ATP8B4: variants seen among roughly 807,000 people sequenced by gnomAD.
ATP8B4 encodes the protein probable phospholipid-transporting ATPase IM.
ATP8B4 carries 133 observed loss-of-function variants against 145.6 expected under a neutral mutation model. The observed-to-expected ratio is 0.91, with a 90% CI of 0.79 to 1.05. The LOEUF (loss-of-function observed/expected upper bound fraction) is 1.05, where lower values mean the gene tolerates loss of function less well. Among genes scored for constraint, ATP8B4 ranks in the 50% least tolerant of loss-of-function variants. The pLI is 0.00. For synonymous variants in ATP8B4, 507 were observed against 492.9 expected (o/e 1.03, Z -0.38); for missense variants, 1,458 against 1,425.2 (o/e 1.02, Z -0.37).
intron 2 of ATP8B4, among the ~76,000 whole-genome samples, chr15:50,079,193 A>G (rs146235749): frequency 2.6e-5 from 4 of 152,196 alleles, no homozygotes; most frequent in African/African-American, 4.8e-5. Context: ...TGTATAACCC[A>G]TAAATAGATA....
intron 6 of ATP8B4, among the ~76,000 whole-genome samples, chr15:50,021,855 T>C (rs2049600992): frequency 6.6e-6 from 1 of 152,194 alleles, no homozygotes; most frequent in African/African-American, 2.4e-5. Flanking sequence ...GGTGAAGGAA[T>C]ATTTGAACAG....
chr15:49,959,113 T>A (rs1474027646), intron 14 of ATP8B4, among the ~76,000 whole-genome samples: 1 of 151,874 alleles, frequency 6.6e-6, no homozygotes, highest in East Asian at 1.9e-4. Context: ...TAAAAAACAG[T>A]TTAACATGAC....
At chr15:50,052,281 A>C (rs1323253689) in intron 3 of ATP8B4, among the ~76,000 whole-genome samples, 5 of 152,252 alleles carry the variant, frequency 3.3e-5, no homozygotes, top group Non-Finnish European at 5.9e-5. Context: ...AATGACTACA[A>C]ACATCCCAAT....
intron 2 of ATP8B4, among the ~76,000 whole-genome samples, chr15:50,106,611 G>A (rs1451035037): frequency 1.2e-4 from 19 of 152,124 alleles, no homozygotes; most frequent in Admixed American, 1.2e-3. Context: ...GCAGCAATAC[G>A]AAAGAACACA....
chr15:50,034,633 A>G (rs1428966466), intron 6 of ATP8B4, among the ~76,000 whole-genome samples: 2 of 152,190 alleles, frequency 1.3e-5, no homozygotes, highest in East Asian at 3.8e-4. Context: ...TGTACATTAG[A>G]TTCATCTTGG....
intron 20 of ATP8B4, among the ~76,000 whole-genome samples, chr15:49,903,384 G>A (rs1410432937): frequency 1.3e-5 from 2 of 152,142 alleles, no homozygotes; most frequent in South Asian, 2.1e-4. Context: ...TCCAAGCTGC[G>A]TAATGAAGGG....
At chr15:50,056,744 G>T in intron 3 of ATP8B4, among the ~76,000 whole-genome samples, 1 of 148,328 alleles carries the variant, frequency 6.7e-6, no homozygotes, top group African/African-American at 2.5e-5. Flanking sequence ...CACACCTATA[G>T]CAAAGACAAT....
At chr15:49,882,357 A>G (rs1470268376) in intron 23 of ATP8B4, among the ~76,000 whole-genome samples, 1 of 152,194 alleles carries the variant, frequency 6.6e-6, no homozygotes, top group African/African-American at 2.4e-5. Context: ...CTTCCTTCTG[A>G]TGAGTGAATG....
Position 49,868,147 on chromosome 15 carries a change from C to T in ATP8B4, c.3028-1663G>A, listed in dbSNP as rs761025847. On this transcript the variant is annotated intron_variant, in intron 25 of 27. Transcript: ENST00000284509. ...TTCAGATTGAGAGGGTCCTTTAGGTCCTATCCAAAGTAATGAAAGAAGATT... is the reference window on the plus strand; with the variant it reads ...TTCAGATTGAGAGGGTCCTTTAGGTTCTATCCAAAGTAATGAAAGAAGATT... 1.6e-4 allele frequency among the ~76,000 whole-genome samples: 24 copies of T among 152,092 alleles called. 1 individual carries two copies. Among genetic ancestry groups the T allele is most frequent in the Admixed American group, 6.5e-4 (10 of 15,268 alleles).
chr15:49,970,740 T>C (rs373144226), intron 13 of ATP8B4, among the ~76,000 whole-genome samples: 1 of 152,102 alleles, frequency 6.6e-6, no homozygotes, highest in Admixed American at 6.6e-5. Flanking sequence ...CAAGCTACCA[T>C]TGACTTTCTT....
chr15:49,881,565 G>A (rs1258513858), intron 23 of ATP8B4, among the ~76,000 whole-genome samples: 2 of 152,066 alleles, frequency 1.3e-5, no homozygotes, highest in East Asian at 3.9e-4. Context: ...AATGTGGCAT[G>A]AGAGAACCTG....
intron 25 of ATP8B4, among the ~76,000 whole-genome samples, chr15:49,873,028 G>A (rs546383651): frequency 3.3e-5 from 5 of 152,270 alleles, no homozygotes; most frequent in Non-Finnish European, 7.3e-5. Flanking sequence ...AAATTATTCC[G>A]AAATTAAAAG....
intron 2 of ATP8B4, among the ~76,000 whole-genome samples, chr15:50,087,229 T>C (rs1483638555): frequency 7.6e-6 from 1 of 131,258 alleles, no homozygotes; most frequent in Admixed American, 7.9e-5. Context: ...AGATCTATAT[T>C]TATTATATAT....
intron 1 of ATP8B4, among the ~76,000 whole-genome samples, chr15:50,152,673 C>T (rs1434666730): frequency 6.6e-6 from 1 of 152,154 alleles, no homozygotes; most frequent in Admixed American, 6.5e-5. Flanking sequence ...TTTGATCTAA[C>T]ATACAGGACC....
intron 2 of ATP8B4, among the ~76,000 whole-genome samples, chr15:50,092,086 G>C (rs2055647259): frequency 6.6e-6 from 1 of 152,140 alleles, no homozygotes; most frequent in Non-Finnish European, 1.5e-5. Flanking sequence ...AATAATTAGA[G>C]TTCAGAGCCT....
chr15:49,968,093 C>A (rs1030246316), intron 13 of ATP8B4, among the ~76,000 whole-genome samples: 9 of 152,128 alleles, frequency 5.9e-5, no homozygotes, highest in African/African-American at 2.2e-4. Flanking sequence ...TTTGTCACCA[C>A]CAGGCCTGCC....
At chr15:49,996,581 C>T (rs2047443951) in intron 9 of ATP8B4, 96 bp downstream of exon 9, 8 of 1,022,126 alleles carry the variant, frequency 7.8e-6, no homozygotes, top group Non-Finnish European at 1.1e-5. Context: ...GTCCTTCCAC[C>T]AAATAAAAAG....
chr15:49,984,589 T>A (rs1049493750), intron 10 of ATP8B4, among the ~76,000 whole-genome samples: 6 of 152,014 alleles, frequency 3.9e-5, no homozygotes, highest in African/African-American at 1.2e-4. Flanking sequence ...TGTTGATAGA[T>A]CTGGCCAGCC....
intron 23 of ATP8B4, chr15:49,885,785 C>T (rs1459317506): frequency 6.6e-6 from 1 of 152,178 alleles, no homozygotes; most frequent in East Asian, 1.9e-4. Context: ...TCCCCAACAC[C>T]CCATATCAAA....
Sources: allele counts gnomAD v4.1 joint callset (sites outside exome capture counted in the v4.1 genomes callset), GRCh38; gene constraint gnomAD v4.1.1; transcripts MANE v1.5; gene names NCBI Gene and HGNC (gene_info 2026-07-23, HGNC 2026-07-21).